TSGA10: variants seen among roughly 807,000 people sequenced by gnomAD.
TSGA10 encodes testis-specific gene 10 protein.
In TSGA10, 43 loss-of-function variants were observed where a neutral mutation model predicts 96.6. The observed-to-expected ratio is 0.44, with a 90% CI of 0.35 to 0.57. The LOEUF is 0.57. Among genes scored for constraint, TSGA10 ranks in the 20% least tolerant of loss-of-function variants. The pLI, the probability that TSGA10 is intolerant of heterozygous loss-of-function variation, is 0.01. For missense variants in TSGA10, 703 were observed against 834.4 expected, an observed-to-expected ratio of 0.84 and a Z score of 1.94; for synonymous variants, 229 against 269.9, an observed-to-expected ratio of 0.85 and a Z score of 1.48.
Position 99,135,999 on chromosome 2 carries a change from G to A in TSGA10, c.-620-8823C>T, listed in dbSNP as rs1288741394. ...ACTCCAGCCTGGGGGACAAGAGCGA[G>A]ACTTCGTACCAAAAAAAAAAAAGGG... On this transcript the variant is annotated intron_variant, in intron 1 of 20. Coordinates refer to ENST00000393483, the MANE Select transcript of TSGA10 (RefSeq NM_025244.4). 4.1e-5 allele frequency among the ~76,000 whole-genome samples: 3 copies of A among 73,458 alleles called. 1 individual carries two copies. Among genetic ancestry groups the A allele is most frequent in the South Asian group, 1.0e-3 (2 of 1,978 alleles). 48.2% of individuals were successfully genotyped at this position (73,458 alleles called of 152,430 possible).
intron 16 of TSGA10, among the ~76,000 whole-genome samples, chr2:99,042,419 C>T (rs1004638662): frequency 2.0e-5 from 3 of 152,102 alleles, no homozygotes; most frequent in African/African-American, 7.2e-5. Context: ...GAGGGCCCAG[C>T]AGGTAGCACG....
intron 10 of TSGA10, among the ~76,000 whole-genome samples, chr2:99,092,789 C>A (rs2089507715): frequency 6.6e-6 from 1 of 151,532 alleles, no homozygotes; most frequent in Admixed American, 6.6e-5. Flanking sequence ...AAATTGCCCA[C>A]AAAAAAAGTC....
intron 17 of TSGA10, among the ~76,000 whole-genome samples, chr2:99,028,775 T>C (rs2080874340): frequency 6.6e-6 from 1 of 152,188 alleles, no homozygotes; most frequent in Non-Finnish European, 1.5e-5. Context: ...TTCTAACTGG[T>C]CTATTGTTTC....
intron 16 of TSGA10, among the ~76,000 whole-genome samples, chr2:99,043,861 G>A (rs2104259450): frequency 6.6e-6 from 1 of 152,300 alleles, no homozygotes; most frequent in East Asian, 1.9e-4. Context: ...CCAGAAGAGA[G>A]TGGGAGCCAA....
chr2:99,060,055 T>C (rs906639781), intron 16 of TSGA10, among the ~76,000 whole-genome samples: 3 of 152,218 alleles, frequency 2.0e-5, no homozygotes, highest in Middle Eastern at 3.4e-3. Context: ...ATACTGATAT[T>C]TGAAGTACTA....
chr2:99,125,384 A>T (rs2092773788), intron 2 of TSGA10: 1 of 152,094 alleles, frequency 6.6e-6, no homozygotes, highest in Non-Finnish European at 1.5e-5. Flanking sequence ...TTAGTTCCAA[A>T]ATGTCCATTT....
At chr2:99,114,915 C>A (rs965068320) in intron 4 of TSGA10, among the ~76,000 whole-genome samples, 2 of 152,108 alleles carry the variant, frequency 1.3e-5, no homozygotes, top group African/African-American at 4.8e-5. Flanking sequence ...GGAAGACATA[C>A]TAAAACTCTT....
intron 15 of TSGA10, among the ~76,000 whole-genome samples, chr2:99,065,453 T>TG (rs1409841803): frequency 2.0e-5 from 3 of 152,222 alleles, no homozygotes; most frequent in African/African-American, 7.2e-5. Context: ...TTTTCCCATA[T>TG]GTCTGCTTAC....
Position 99,100,972 on chromosome 2 carries a change from G to A in TSGA10, c.611+2995C>T, listed in dbSNP as rs767072108. On this transcript the variant is annotated intron_variant, in intron 10 of 20. Coordinates refer to ENST00000393483, the MANE Select transcript of TSGA10 (RefSeq NM_025244.4). ...AGGCTGGGTGAAAAAAAAAAAAAAA[G>A]CATAAATTAGGCTGGGCGCGGTGGC... 6.9e-3 allele frequency among the ~76,000 whole-genome samples: 811 copies of A among 118,320 alleles called. 5 individuals are homozygous for A. The highest frequency in any genetic ancestry group is 8.4e-3 in the Non-Finnish European group (469 of 55,750). The allele number at this position is 118,320 out of a possible 152,430, so 77.6% of individuals were successfully genotyped here.
chr2:99,076,744 C>G (rs1314862440), intron 12 of TSGA10, among the ~76,000 whole-genome samples: 1 of 152,186 alleles, frequency 6.6e-6, no homozygotes, highest in Non-Finnish European at 1.5e-5. Flanking sequence ...ATGAAATTCT[C>G]ATGAAAGCCA....
At chr2:99,000,987 G>A (rs1455236612) in intron 20 of TSGA10, among the ~76,000 whole-genome samples, 1 of 152,170 alleles carries the variant, frequency 6.6e-6, no homozygotes. Context: ...GAACCGGGTG[G>A]AGCCCACCAC....
rs1037986782 is a variant in TSGA10 at position 99,143,643 on chromosome 2, G to C, written c.-621+11050C>G. ...GTGCCACCATGCCCAGCTAATTTTT[G>C]TATGTTTTTGTAGAGATGCGGTTTC... On this transcript the variant is annotated intron_variant, in intron 1 of 20. Coordinates refer to ENST00000393483, the MANE Select transcript of TSGA10 (RefSeq NM_025244.4). 2.0e-5 allele frequency among the ~76,000 whole-genome samples: 3 copies of C among 151,350 alleles called. No individual in the cohort carries two copies. In the East Asian group the frequency reaches 5.9e-4, roughly 30 times the overall value.
intron 15 of TSGA10, among the ~76,000 whole-genome samples, chr2:99,067,976 A>G (rs2085464916): frequency 6.6e-6 from 1 of 152,126 alleles, no homozygotes; most frequent in African/African-American, 2.4e-5. Context: ...CCGATTACAG[A>G]TGGGAAGAAT....
intron 20 of TSGA10, among the ~76,000 whole-genome samples, chr2:99,013,522 C>T (rs1311328233): frequency 2.7e-5 from 4 of 150,818 alleles, no homozygotes; most frequent in Non-Finnish European, 4.4e-5. Flanking sequence ...TTAGTAGAGA[C>T]GGGTTTTACC....
At chr2:99,104,195 T>G in intron 9 of TSGA10, 77 bp from the exon 10 acceptor site, 1 of 1,516,950 alleles carries the variant, frequency 6.6e-7, no homozygotes, top group Non-Finnish European at 9.0e-7. Context: ...ATACTCCCTC[T>G]GTACAAACTG....
intron 5 of TSGA10, among the ~76,000 whole-genome samples, chr2:99,110,638 T>C (rs2091718937): frequency 2.0e-5 from 3 of 152,148 alleles, no homozygotes. Flanking sequence ...TCTTTGCCTC[T>C]AGGAAACAAA....
rs770932626 is a variant in TSGA10 at position 99,018,624 on chromosome 2, C to A, written c.1834G>T (p.Asp612Tyr). 3.1e-6 allele frequency: 5 copies of A among 1,613,292 alleles called. No individual in the cohort carries two copies. The highest frequency in any genetic ancestry group is 4.2e-6 in the Non-Finnish European group (5 of 1,179,728). ...ACAACATTTCTGAACTGGGCCACAT[C>A]TCTACTCTGGATGGCCCTGTTTAAA... ...AENKMAIQSR[D>Y]VAQFRNVVTQ... is the part of the protein sequence containing the mutation. Residue 612 changes from aspartate to tyrosine, a missense_variant, in exon 19 of 21, where the codon GAT (aspartate) becomes TAT (tyrosine). Asp to Tyr is a radical substitution (Grantham distance 160). Coordinates refer to ENST00000393483, the MANE Select transcript of TSGA10 (RefSeq NM_025244.4).
At chr2:99,099,141 C>T (rs886885468) in intron 10 of TSGA10, among the ~76,000 whole-genome samples, 10 of 152,244 alleles carry the variant, frequency 6.6e-5, no homozygotes, top group Admixed American at 1.3e-4. Flanking sequence ...GGAGAAACCA[C>T]ATCTCTACTA....
At chr2:99,044,161 C>T (rs992699323) in intron 16 of TSGA10, among the ~76,000 whole-genome samples, 3 of 152,160 alleles carry the variant, frequency 2.0e-5, no homozygotes, top group East Asian at 1.9e-4. Context: ...ATGACAGGAT[C>T]GAATTCACAC....
Sources: gnomAD v4.1 joint callset for allele counts (sites outside exome capture counted in the v4.1 genomes callset) on GRCh38, gnomAD v4.1.1 for gene constraint, MANE v1.5 for transcripts, NCBI Gene and HGNC (gene_info 2026-07-23, HGNC 2026-07-21) for gene names.